Variants in DIP2A observed in about 807,000 individuals in gnomAD.
DIP2A encodes DIP2 acetate--CoA ligase A, also known as disco-interacting protein 2 homolog A.
In DIP2A, 85 loss-of-function variants were observed where a neutral mutation model predicts 177.4. The ratio of observed to expected loss-of-function variants is 0.48; its 90% confidence interval spans 0.40 to 0.57. DIP2A has a LOEUF of 0.57. Ranked by LOEUF, DIP2A falls within the 20% of genes least tolerant of loss-of-function variation. DIP2A has a pLI of 0.00. For synonymous variants in DIP2A, 886 were observed against 881.8 expected (o/e 1.00, Z -0.08); for missense variants, 1,791 against 2,100.2 (o/e 0.85, Z 2.88).
chr21:46,560,214 C>G (rs1006225200), intron 32 of DIP2A, among the ~76,000 whole-genome samples: 1 of 152,114 alleles, frequency 6.6e-6, no homozygotes, highest in South Asian at 2.1e-4. Context: ...AATAAAATGA[C>G]ACATAATGTC....
At position 46,547,051 on chromosome 21, in the gene DIP2A, C is replaced by T. The variant is rs771381704; in HGVS notation, c.2522+9C>T. 2 of 1,612,070 alleles carry T rather than the reference C, an allele frequency of 1.2e-6. No homozygotes were observed. Among genetic ancestry groups the T allele is most frequent in the Non-Finnish European group, 1.7e-6 (2 of 1,178,270 alleles). On this transcript the variant is annotated intron_variant, in intron 21 of 37. Transcript: ENST00000417564. ...TTTGTCTACAGAGGCAGGTGATGCGCTGCGGACCCCCACGCCGGGAGTAGA... is the reference window on the plus strand; with the variant it reads ...TTTGTCTACAGAGGCAGGTGATGCGTTGCGGACCCCCACGCCGGGAGTAGA...
chr21:46,539,640 C>T (rs2059723670), intron 16 of DIP2A: 1 of 530,226 alleles, frequency 1.9e-6, no homozygotes, highest in African/African-American at 1.9e-5. Context: ...CCTAGTGATG[C>T]CCCTTCTGCC....
intron 7 of DIP2A, among the ~76,000 whole-genome samples, chr21:46,510,213 C>T (rs1017324479): frequency 6.6e-6 from 1 of 152,168 alleles, no homozygotes; most frequent in Non-Finnish European, 1.5e-5. Flanking sequence ...AAGCATCCAG[C>T]ACAGGAGAAA....
chr21:46,511,794 T>C (rs2058326400), intron 8 of DIP2A, among the ~76,000 whole-genome samples, 180 bp downstream of exon 8: 2 of 152,202 alleles, frequency 1.3e-5, no homozygotes, highest in Admixed American at 6.5e-5. Flanking sequence ...CACTGATGCA[T>C]GGTGACTGCC....
rs58546395 is a variant in DIP2A, at chr21:46,464,844, T to TTTTTTTTTTCCC, written c.91+5622_91+5623insTTTTTTTTTCCC. Among the ~76,000 whole-genome samples, 5 of 111,232 alleles carry TTTTTTTTTTCCC rather than the reference T, an allele frequency of 4.5e-5. 1 individual carries two copies. Among genetic ancestry groups the TTTTTTTTTTCCC allele is most frequent in the African/African-American group, 2.1e-4 (5 of 23,996 alleles). 73.0% of individuals were successfully genotyped at this position (111,232 alleles called of 152,430 possible). On this transcript the variant is annotated intron_variant, in intron 1 of 37. Coordinates refer to ENST00000417564, the MANE Select transcript of DIP2A (RefSeq NM_015151.4). ...TTTTTTTTTTTTTTTTTTTTTTTTT[T>TTTTTTTTTTCCC]CAAGAAAACACACAACAAATGTCAG...
At chr21:46,481,445 A>T (rs1256091458) in intron 1 of DIP2A, among the ~76,000 whole-genome samples, 2 of 152,200 alleles carry the variant, frequency 1.3e-5, no homozygotes, top group African/African-American at 2.4e-5. Flanking sequence ...TTATGTGAAC[A>T]CAAGTTTTTA....
chr21:46,467,556 T>C (rs912239268), intron 1 of DIP2A, among the ~76,000 whole-genome samples: 1 of 152,196 alleles, frequency 6.6e-6, no homozygotes, highest in Non-Finnish European at 1.5e-5. Context: ...ATATTTTTTG[T>C]AACATTTTAA....
At chr21:46,535,828 G>C (rs899073764) in intron 13 of DIP2A, among the ~76,000 whole-genome samples, 4 of 152,182 alleles carry the variant, frequency 2.6e-5, no homozygotes, top group African/African-American at 4.8e-5. Flanking sequence ...TATAGTCCCA[G>C]CTACTCGGGA....
In DIP2A at chr21:46,522,442, G is replaced by A. The variant is rs73152854; in HGVS notation, c.1103-6650G>A. ...GCCTAATAAGCAGCTGGAAGGCAAA[G>A]CAGATTCCAAAAATCAAAGTTCTCA... On this transcript the variant is annotated intron_variant, in intron 8 of 37. Transcript: ENST00000417564. 5.9e-3 allele frequency among the ~76,000 whole-genome samples: 897 copies of A among 152,296 alleles called. 7 individuals carry two copies. The highest frequency in any genetic ancestry group is 0.01 in the Middle Eastern group (3 of 294).
chr21:46,461,632 T>G (rs1478293254), intron 1 of DIP2A, among the ~76,000 whole-genome samples: 1 of 152,214 alleles, frequency 6.6e-6, no homozygotes, highest in Non-Finnish European at 1.5e-5. Context: ...AAATGTTTCC[T>G]ATCTGTTGGA....
chr21:46,498,884 T>C lies in DIP2A; in HGVS notation c.655+51T>C. On this transcript the variant is annotated intron_variant, in intron 5 of 37. Coordinates refer to ENST00000417564, the MANE Select transcript of DIP2A (RefSeq NM_015151.4). The surrounding 1 kb of genome is among the most constrained non-coding windows in gnomAD (Gnocchi z 4.3). The stretch of plus-strand genomic sequence containing the variant: ...TGTGCCAGCAGAGCGGGGTCAGGAG[T>C]GTCCAGGACAGAGGAGCAGATGGAG... 3 of 1,533,672 alleles carry C rather than the reference T, an allele frequency of 2.0e-6. No homozygotes were observed. Among genetic ancestry groups the C allele is most frequent in the Non-Finnish European group, 8.8e-7 (1 of 1,136,312 alleles).
intron 8 of DIP2A, among the ~76,000 whole-genome samples, chr21:46,513,527 C>T (rs530880089): frequency 7.9e-5 from 12 of 152,264 alleles, no homozygotes; most frequent in Non-Finnish European, 1.6e-4. Flanking sequence ...GATGGTTCCT[C>T]AAGATTGCCT....
chr21:46,526,748 A>G (rs901258957), intron 8 of DIP2A, among the ~76,000 whole-genome samples: 4 of 152,218 alleles, frequency 2.6e-5, no homozygotes, highest in Non-Finnish European at 5.9e-5. Flanking sequence ...GTATGTTGAT[A>G]TATTTAGCAG....
At chr21:46,573,872 A>G (rs1229860219), downstream of DIP2A, among the ~76,000 whole-genome samples, 1 of 152,052 alleles carries the variant, frequency 6.6e-6, no homozygotes, top group Non-Finnish European at 1.5e-5. Context: ...TGACAATAGA[A>G]GGGAGAAAGG....
intron 13 of DIP2A, among the ~76,000 whole-genome samples, chr21:46,535,641 A>T (rs770352564): frequency 7.2e-5 from 11 of 152,246 alleles, no homozygotes; most frequent in Non-Finnish European, 1.3e-4. Flanking sequence ...TTGAGGGCAC[A>T]GCTAAAGCTT....
chr21:46,518,831 TAA>T lies in DIP2A; in HGVS notation c.1102+7218_1102+7219del, dbSNP rs1206531440. On this transcript the variant is annotated intron_variant, in intron 8 of 37. Transcript: ENST00000417564. Reference sequence around the variant, plus strand: ...AAGATTGCACCGCTGCACTGCAGCCTAAGTGACAGAGCGAGACCCTGTCTCAA... The same window carrying T: ...AAGATTGCACCGCTGCACTGCAGCCTGTGACAGAGCGAGACCCTGTCTCAA... 3.3e-5 allele frequency among the ~76,000 whole-genome samples: 5 copies of T among 152,352 alleles called. No individual in the cohort carries two copies. The East Asian group carries it at 9.6e-4, about 29-fold the overall frequency.
chr21:46,514,370 A>G (rs1007974287), intron 8 of DIP2A, among the ~76,000 whole-genome samples: 1 of 151,612 alleles, frequency 6.6e-6, no homozygotes, highest in Non-Finnish European at 1.5e-5. Context: ...CAGGAGGCGG[A>G]GCTTGCAGTG....
rs937050367 is a variant in DIP2A, at chr21:46,569,937, A to T, written c.*2315A>T. The T allele has an allele frequency of 3.3e-5, 5 of 152,186 alleles. No individual in the cohort carries two copies. The highest frequency in any genetic ancestry group is 6.5e-5 in the Admixed American group (1 of 15,286). 9.4% of individuals were successfully genotyped at this position (152,186 alleles called of 1,614,324 possible). ...AGGGATTTATTTTTTCTTTTTAAAA[A>T]TTTTTTACAAAATTAGGATCAAGTG... On this transcript the variant is annotated 3_prime_UTR_variant, in exon 38 of 38. Transcript: ENST00000417564.
intron 2 of DIP2A, among the ~76,000 whole-genome samples, chr21:46,487,202 T>A (rs191079190): frequency 4.6e-5 from 7 of 152,364 alleles, no homozygotes; most frequent in African/African-American, 1.7e-4. Context: ...ACTGCATACA[T>A]GCTTTGTATT....
Sources: allele counts gnomAD v4.1 joint callset (sites outside exome capture counted in the v4.1 genomes callset), GRCh38; gene constraint gnomAD v4.1.1; non-coding constraint Gnocchi (gnomAD v3.1); transcripts MANE v1.5; gene names NCBI Gene and HGNC (gene_info 2026-07-23, HGNC 2026-07-21).